ADAMTSL3: variants seen among roughly 807,000 people sequenced by gnomAD.
ADAMTSL3 encodes the protein ADAMTS-like protein 3.
A neutral mutation model predicts 201.7 loss-of-function variants in ADAMTSL3; 128 were observed. The ratio of observed to expected loss-of-function variants is 0.63; its 90% confidence interval spans 0.55 to 0.73. The LOEUF is 0.73. ADAMTSL3 is among the 30% of genes least tolerant of loss of function. The pLI, the probability that ADAMTSL3 is intolerant of heterozygous loss-of-function variation, is 0.00. For missense variants in ADAMTSL3, 1,990 were observed against 2,119.6 expected (o/e 0.94, Z 1.20); for synonymous variants, 738 against 748.4 (o/e 0.99, Z 0.23).
chr15:84,036,727 C>T, intron 28 of ADAMTSL3, 46 bp from the exon 29 acceptor site: 1 of 1,503,702 alleles, frequency 6.7e-7, no homozygotes, highest in Non-Finnish European at 9.0e-7. Context: ...TACACCCTGC[C>T]TCTCCTATTT....
chr15:83,924,105 C>T, intron 17 of ADAMTSL3, 72 bp downstream of exon 17: 3 of 1,564,076 alleles, frequency 1.9e-6, no homozygotes, highest in East Asian at 4.6e-5. Context: ...AGAAACCCAC[C>T]TAAGTGCAGA....
At chr15:83,910,365 A>G (rs2065908850) in intron 15 of ADAMTSL3, among the ~76,000 whole-genome samples, 1 of 151,352 alleles carries the variant, frequency 6.6e-6, no homozygotes, top group Admixed American at 6.6e-5. Flanking sequence ...AAGATTCAGA[A>G]TTGTATGAAC....
At chr15:83,840,558 C>T (rs181131106) in intron 7 of ADAMTSL3, among the ~76,000 whole-genome samples, 1 of 152,134 alleles carries the variant, frequency 6.6e-6, no homozygotes, top group South Asian at 2.1e-4. Context: ...TTATTTGACT[C>T]TTCATTAGGA....
At chr15:83,676,573 G>A (rs1237953690) in intron 2 of ADAMTSL3, among the ~76,000 whole-genome samples, 4 of 152,184 alleles carry the variant, frequency 2.6e-5, no homozygotes, top group Admixed American at 2.6e-4. Flanking sequence ...AGCTACTCAG[G>A]AGGCTGAGGC....
chr15:83,731,762 A>C (rs2141606815), intron 3 of ADAMTSL3, among the ~76,000 whole-genome samples: 1 of 152,190 alleles, frequency 6.6e-6, no homozygotes, highest in Non-Finnish European at 1.5e-5. Flanking sequence ...GCCTTAAAAA[A>C]GAAGGAAATC....
intron 13 of ADAMTSL3, among the ~76,000 whole-genome samples, chr15:83,895,919 A>G (rs1188514589): frequency 6.6e-6 from 1 of 152,172 alleles, no homozygotes. Context: ...GAGATTTCCC[A>G]ATATTCTGCC....
At chr15:83,663,102 C>T (rs1311168275) in intron 2 of ADAMTSL3, among the ~76,000 whole-genome samples, 1 of 152,162 alleles carries the variant, frequency 6.6e-6, no homozygotes, top group Admixed American at 6.5e-5. Context: ...CTACCTGACC[C>T]ATAGGAAATG....
At chr15:83,871,450 C>T (rs1237218435) in intron 9 of ADAMTSL3, among the ~76,000 whole-genome samples, 1 of 152,188 alleles carries the variant, frequency 6.6e-6, no homozygotes, top group Non-Finnish European at 1.5e-5. Flanking sequence ...TGTCTTCTTG[C>T]AAAGGAGAGC....
chr15:83,779,179 C>A (rs1384484944), intron 4 of ADAMTSL3, among the ~76,000 whole-genome samples: 2 of 151,958 alleles, frequency 1.3e-5, no homozygotes, highest in Non-Finnish European at 2.9e-5. Flanking sequence ...ACTTTAACAC[C>A]CCACTGACAA....
At chr15:83,663,825 AT>A (rs1250115476) in intron 2 of ADAMTSL3, among the ~76,000 whole-genome samples, 2 of 152,232 alleles carry the variant, frequency 1.3e-5, no homozygotes, top group Non-Finnish European at 2.9e-5. Flanking sequence ...TATTGGCTAG[AT>A]CCAGTGAGAA....
At chr15:84,000,563 T>A (rs1353015463) in intron 23 of ADAMTSL3, among the ~76,000 whole-genome samples, 1 of 152,208 alleles carries the variant, frequency 6.6e-6, no homozygotes. Context: ...GAATACAATC[T>A]GGTTTCTGCA....
intron 23 of ADAMTSL3, among the ~76,000 whole-genome samples, chr15:83,992,239 C>T (rs948064044): frequency 6.6e-6 from 1 of 152,166 alleles, no homozygotes. Context: ...CTTTCAGGCT[C>T]TCCCTCCACT....
At chr15:83,690,191 C>A (rs925860359) in intron 2 of ADAMTSL3, among the ~76,000 whole-genome samples, 1 of 152,132 alleles carries the variant, frequency 6.6e-6, no homozygotes, top group Non-Finnish European at 1.5e-5. Context: ...AGTTTCCCTG[C>A]CTTCTGTATC....
At chr15:83,777,908 C>A (rs2063105900) in intron 4 of ADAMTSL3, among the ~76,000 whole-genome samples, 1 of 152,172 alleles carries the variant, frequency 6.6e-6, no homozygotes, top group Non-Finnish European at 1.5e-5. Context: ...GACCAAATAA[C>A]TAGTATAGGA....
chr15:83,983,102 G>T lies in ADAMTSL3; in HGVS notation c.3474G>T (p.Val1158=). The T allele has an allele frequency of 1.2e-6, 2 of 1,614,088 alleles. No individual in the cohort carries two copies. Among genetic ancestry groups the T allele is most frequent in the African/African-American group, 1.3e-5 (1 of 75,038 alleles). ...AGCTCAGAGGGGAAACAGGGAGTGT[G>T]TCCCAAAGCTCGCATGCAAAAAACT... is the stretch of plus-strand genomic sequence containing the variant. ...AAQLRGETGS[V]SQSSHAKNSG... is the part of the protein sequence containing the mutation. The change falls in exon 21 of 30, where the codon GTG becomes GTT. Residue 1158 remains valine, a synonymous_variant. Transcript: ENST00000286744.
At chr15:84,000,035 CTT>C (rs2067763871) in intron 23 of ADAMTSL3, among the ~76,000 whole-genome samples, 1 of 150,706 alleles carries the variant, frequency 6.6e-6, no homozygotes, top group African/African-American at 2.4e-5. Context: ...TCTCATATGT[CTT>C]TAAGTCATAA....
chr15:84,023,890 T>G (rs563684668), intron 26 of ADAMTSL3, among the ~76,000 whole-genome samples: 4 of 152,220 alleles, frequency 2.6e-5, no homozygotes, highest in African/African-American at 9.6e-5. Context: ...TTTTTGAATA[T>G]GTAAAATAAA....
chr15:83,925,662 A>G (rs577370944), intron 17 of ADAMTSL3, among the ~76,000 whole-genome samples: 3 of 152,388 alleles, frequency 2.0e-5, no homozygotes, highest in East Asian at 3.9e-4. Flanking sequence ...ATATTGGAGC[A>G]GTGTTGAATA....
chr15:84,017,873 G>C (rs970084093), intron 25 of ADAMTSL3, among the ~76,000 whole-genome samples: 2 of 152,170 alleles, frequency 1.3e-5, no homozygotes, highest in Admixed American at 1.3e-4. Flanking sequence ...AACAGATACT[G>C]TAAAGCACTG....
Sources: gnomAD v4.1 joint callset for allele counts (sites outside exome capture counted in the v4.1 genomes callset) on GRCh38, gnomAD v4.1.1 for gene constraint, MANE v1.5 for transcripts, NCBI Gene and HGNC (gene_info 2026-07-23, HGNC 2026-07-21) for gene names.